Variants in AKAIN1 observed in about 807,000 individuals in gnomAD.
The protein encoded by AKAIN1 is A-kinase anchor inhibitor 1.
A neutral mutation model predicts 3.7 loss-of-function variants in AKAIN1; 3 were observed. That is an observed-to-expected ratio of 0.82 (90% confidence interval 0.37 to 2.12). The LOEUF is 2.12. Ranked by LOEUF, AKAIN1 falls within the 30% of genes most tolerant of loss-of-function variation. The pLI is 0.06. For synonymous variants in AKAIN1, 31 were observed against 30.8 expected (o/e 1.01, Z -0.02); for missense variants, 82 against 82.7 (o/e 0.99, Z 0.03).
intron 1 of AKAIN1, among the ~76,000 whole-genome samples, chr18:5,185,286 C>A (rs547518584): frequency 6.6e-6 from 1 of 152,142 alleles, no homozygotes; most frequent in Admixed American, 6.5e-5. Flanking sequence ...TAGGCCCTGG[C>A]AAAGATTTCA....
At chr18:5,182,548 C>T (rs544745833) in intron 1 of AKAIN1, among the ~76,000 whole-genome samples, 2 of 152,130 alleles carry the variant, frequency 1.3e-5, no homozygotes, top group East Asian at 3.9e-4. Flanking sequence ...CCTATGTGTC[C>T]CCAAACCCAA....
chr18:5,177,385 A>G (rs2071232397), intron 1 of AKAIN1, among the ~76,000 whole-genome samples: 1 of 152,064 alleles, frequency 6.6e-6, no homozygotes, highest in South Asian at 2.1e-4. Flanking sequence ...ATTAAAACCA[A>G]GTTTCTGATT....
intron 1 of AKAIN1, among the ~76,000 whole-genome samples, chr18:5,160,371 G>T (rs1336687236): frequency 2.0e-5 from 3 of 152,148 alleles, no homozygotes; most frequent in Non-Finnish European, 4.4e-5. Flanking sequence ...ATTGATTTAT[G>T]ATGACGATTC....
intron 1 of AKAIN1, among the ~76,000 whole-genome samples, chr18:5,172,791 T>A (rs1228284884): frequency 6.6e-6 from 1 of 151,990 alleles, no homozygotes; most frequent in East Asian, 1.9e-4. Flanking sequence ...TTATACCATA[T>A]TTATAAAACC....
chr18:5,192,196 T>G (rs1440119864), intron 1 of AKAIN1, among the ~76,000 whole-genome samples: 1 of 152,130 alleles, frequency 6.6e-6, no homozygotes. Context: ...TTCAACAGAC[T>G]AAAGGTTTAA....
chr18:5,151,869 A>G (rs989881878), intron 1 of AKAIN1, among the ~76,000 whole-genome samples: 30 of 152,236 alleles, frequency 2.0e-4, no homozygotes, highest in Admixed American at 6.5e-5. Flanking sequence ...TCACTCATAC[A>G]TATATTCATT....
chr18:5,181,528 C>T (rs1273998050), intron 1 of AKAIN1, among the ~76,000 whole-genome samples: 2 of 152,086 alleles, frequency 1.3e-5, no homozygotes, highest in South Asian at 2.1e-4. Context: ...AATGTTAGCT[C>T]CCTTGCCTTT....
At position 5,145,255 on chromosome 18, in the gene AKAIN1, C is replaced by T. The variant is rs767624362; in HGVS notation, c.*307G>A. The T allele has an allele frequency of 3.0e-5, 7 of 235,590 alleles. No individual in the cohort carries two copies. Among genetic ancestry groups the T allele is most frequent in the Non-Finnish European group, 5.0e-5 (6 of 120,604 alleles). 14.6% of individuals were successfully genotyped at this position (235,590 alleles called of 1,614,324 possible). On this transcript the variant is annotated 3_prime_UTR_variant, in exon 2 of 2. Transcript: ENST00000434239. ...CGCATAAAAGGCAGAAGTAAATAAACGAGACATAGAATTCTTTTTTTCAAA... is the reference window on the plus strand; with the variant it reads ...CGCATAAAAGGCAGAAGTAAATAAATGAGACATAGAATTCTTTTTTTCAAA...
At chr18:5,146,280 T>C (rs2071048940) in intron 1 of AKAIN1, among the ~76,000 whole-genome samples, 2 of 152,206 alleles carry the variant, frequency 1.3e-5, no homozygotes, top group South Asian at 2.1e-4. Flanking sequence ...CCTTCAGGTG[T>C]TGCATTCATC....
chr18:5,197,506 A>AAAAAAAAAAAC (rs953649837), upstream of AKAIN1: 9 of 1,219,708 alleles, frequency 7.4e-6, no homozygotes, highest in East Asian at 3.2e-5. The surrounding 1 kb of genome is among the most constrained non-coding windows in gnomAD (Gnocchi z 6.9). Context: ...AGATTTGTCA[A>AAAAAAAAAAAC]AAAAAAAAAA....
intron 1 of AKAIN1, among the ~76,000 whole-genome samples, chr18:5,189,577 C>A (rs8086700): frequency 0.31 from 46,547 of 152,000 alleles, 7,233 homozygotes; most frequent in African/African-American, 0.33. Flanking sequence ...CAGGCATGGA[C>A]ACAATTCAGT....
At chr18:5,155,846 C>T (rs2071105191) in intron 1 of AKAIN1, among the ~76,000 whole-genome samples, 1 of 152,158 alleles carries the variant, frequency 6.6e-6, no homozygotes, top group Non-Finnish European at 1.5e-5. Context: ...CAGGACCTTC[C>T]GTAGCCTCTG....
chr18:5,193,615 T>C (rs936066881), intron 1 of AKAIN1, among the ~76,000 whole-genome samples: 2 of 152,230 alleles, frequency 1.3e-5, no homozygotes, highest in African/African-American at 4.8e-5. Flanking sequence ...CCTCTTTCTC[T>C]TCCTGGAATT....
chr18:5,161,285 C>T lies in AKAIN1; in HGVS notation c.17-15530G>A, dbSNP rs190534614. On this transcript the variant is annotated intron_variant, in intron 1 of 1. Transcript: ENST00000434239. ...CTTTTGTTAAATTTATTCCAAGATA[C>T]TTCACATCATAGTAAATTATATTTT... Among the ~76,000 whole-genome samples, 384 of 152,064 alleles carry T rather than the reference C, an allele frequency of 2.5e-3. 4 individuals are homozygous for T. Among genetic ancestry groups the T allele is most frequent in the South Asian group, 0.024 (118 of 4,824 alleles).
At chr18:5,181,009 C>G (rs551266923) in intron 1 of AKAIN1, among the ~76,000 whole-genome samples, 2 of 152,032 alleles carry the variant, frequency 1.3e-5, no homozygotes, top group African/African-American at 4.8e-5. Context: ...AAAATACAGC[C>G]AGGTGTGGTG....
At chr18:5,196,904 C>T (rs2071351009) in intron 1 of AKAIN1, 134 bp downstream of exon 1, 2 of 825,092 alleles carry the variant, frequency 2.4e-6, no homozygotes, top group Non-Finnish European at 4.0e-6. Context: ...CACTCCTCCG[C>T]CCCATGAGCA....
At chr18:5,196,105 T>A (rs1052722013) in intron 1 of AKAIN1, among the ~76,000 whole-genome samples, 1 of 152,142 alleles carries the variant, frequency 6.6e-6, no homozygotes, top group Non-Finnish European at 1.5e-5. Flanking sequence ...ATCTTTCAAG[T>A]TAAAGACCCC....
At chr18:5,176,585 A>G (rs1598312721) in intron 1 of AKAIN1, among the ~76,000 whole-genome samples, 1 of 152,208 alleles carries the variant, frequency 6.6e-6, no homozygotes, top group Non-Finnish European at 1.5e-5. Flanking sequence ...AACATTTAAG[A>G]TCATTTCCTG....
At chr18:5,149,286 A>C (rs1249084786) in intron 1 of AKAIN1, among the ~76,000 whole-genome samples, 1 of 152,198 alleles carries the variant, frequency 6.6e-6, no homozygotes, top group Non-Finnish European at 1.5e-5. Context: ...AACAGATAAT[A>C]CATGCCAAAT....
Sources: gnomAD v4.1 joint callset for allele counts (sites outside exome capture counted in the v4.1 genomes callset) on GRCh38, gnomAD v4.1.1 for gene constraint, Gnocchi (gnomAD v3.1) non-coding constraint, MANE v1.5 for transcripts, NCBI Gene and HGNC (gene_info 2026-07-23, HGNC 2026-07-21) for gene names.